Variants in COL8A1 observed in about 807,000 individuals in gnomAD.
COL8A1 encodes the protein collagen alpha-1(VIII) chain.
A neutral mutation model predicts 42.7 loss-of-function variants in COL8A1; 21 were observed. The ratio of observed to expected loss-of-function variants is 0.49; its 90% CI spans 0.35 to 0.71. The LOEUF (loss-of-function observed/expected upper bound fraction) is 0.71, where lower values mean the gene tolerates loss of function less well. Among genes scored for constraint, COL8A1 ranks in the 30% least tolerant of loss-of-function variants. COL8A1 has a pLI of 0.01. For missense variants in COL8A1, 788 were observed against 962.4 expected (o/e 0.82, Z 2.40); for synonymous variants, 367 against 369.1 (o/e 0.99, Z 0.06).
intron 1 of COL8A1, among the ~76,000 whole-genome samples, chr3:99,639,665 A>G (rs992734848): frequency 6.6e-6 from 1 of 152,244 alleles, no homozygotes; most frequent in Non-Finnish European, 1.5e-5. Flanking sequence ...AAGGAAAAAC[A>G]TACTCCACAG....
intron 1 of COL8A1, among the ~76,000 whole-genome samples, chr3:99,687,515 G>T (rs529062126): frequency 6.6e-6 from 1 of 152,298 alleles, no homozygotes; most frequent in African/African-American, 2.4e-5. Context: ...TTGAGAGTGG[G>T]GAGCTATGCC....
chr3:99,734,722 T>C (rs1472151950), intron 1 of COL8A1, among the ~76,000 whole-genome samples: 1 of 151,946 alleles, frequency 6.6e-6, no homozygotes, highest in African/African-American at 2.4e-5. Flanking sequence ...TGGCATTGAA[T>C]CTGTAAATTA....
intron 1 of COL8A1, among the ~76,000 whole-genome samples, chr3:99,669,146 T>TATATATATATATATATAGAGAGAGAGAG: frequency 8.7e-5 from 10 of 115,388 alleles, no homozygotes; most frequent in South Asian, 2.8e-4. Flanking sequence ...TATATATATA[T>TATATATATATATATATAGAGAGAGAGAG]AGAGGGAGAG....
At chr3:99,642,351 AGTCGTGT>A (rs1469554241) in intron 1 of COL8A1, among the ~76,000 whole-genome samples, 6 of 152,204 alleles carry the variant, frequency 3.9e-5, no homozygotes, top group Admixed American at 1.3e-4. Context: ...ACAAGCCTGA[AGTCGTGT>A]GTACTCAAAT....
chr3:99,653,911 A>G (rs1314395627), intron 1 of COL8A1, among the ~76,000 whole-genome samples: 1 of 152,142 alleles, frequency 6.6e-6, no homozygotes, highest in Non-Finnish European at 1.5e-5. Flanking sequence ...ATTAAGGATT[A>G]CTGGCTCACA....
chr3:99,718,602 T>C (rs1279474101), intron 1 of COL8A1, among the ~76,000 whole-genome samples: 2 of 152,030 alleles, frequency 1.3e-5, no homozygotes, highest in Non-Finnish European at 2.9e-5. Flanking sequence ...CCCAAGTGAC[T>C]GATAGTTGTT....
At chr3:99,758,362 T>C (rs1195229591) in intron 2 of COL8A1, among the ~76,000 whole-genome samples, 1 of 152,132 alleles carries the variant, frequency 6.6e-6, no homozygotes, top group Non-Finnish European at 1.5e-5. Context: ...CAGCTCAAGA[T>C]CAATGAAAAA....
At chr3:99,658,764 C>T (rs754690466) in intron 1 of COL8A1, among the ~76,000 whole-genome samples, 25 of 152,180 alleles carry the variant, frequency 1.6e-4, no homozygotes, top group Non-Finnish European at 2.8e-4. Context: ...GAAAACAAGA[C>T]GTCTTTAGCA....
intron 1 of COL8A1, among the ~76,000 whole-genome samples, chr3:99,642,010 T>A (rs1937514613): frequency 6.6e-6 from 1 of 152,130 alleles, no homozygotes; most frequent in Non-Finnish European, 1.5e-5. Context: ...GAATACACAT[T>A]TATTTAAAGA....
intron 3 of COL8A1, 117 bp downstream of exon 3, chr3:99,791,127 T>G: frequency 1.1e-6 from 1 of 895,140 alleles, no homozygotes; most frequent in East Asian, 2.7e-5. Flanking sequence ...TTACTGGCAT[T>G]TTTAAAATGC....
intron 1 of COL8A1, among the ~76,000 whole-genome samples, chr3:99,674,572 G>A (rs532033344): frequency 6.6e-6 from 1 of 151,926 alleles, no homozygotes; most frequent in Non-Finnish European, 1.5e-5. Context: ...TGCAGCTCAG[G>A]CTCTACATTT....
At chr3:99,718,376 G>A (rs1476724110) in intron 1 of COL8A1, among the ~76,000 whole-genome samples, 1 of 152,054 alleles carries the variant, frequency 6.6e-6, no homozygotes, top group Non-Finnish European at 1.5e-5. Flanking sequence ...GGGGGCCAGA[G>A]AGGAGAACAA....
chr3:99,715,087 C>T (rs757357444), intron 1 of COL8A1, among the ~76,000 whole-genome samples: 70 of 152,012 alleles, frequency 4.6e-4, no homozygotes, highest in Non-Finnish European at 9.1e-4. Context: ...TCACATAGGA[C>T]GTCTAGCCTA....
At position 99,798,554 on chromosome 3, in the gene COL8A1, A is replaced by C. The variant is rs1195296531; in HGVS notation, c.*2418A>C. The C allele has an allele frequency of 6.6e-6, 1 of 152,146 alleles. No individual in the cohort carries two copies. Among genetic ancestry groups the C allele is most frequent in the Non-Finnish European group, 1.5e-5 (1 of 68,026 alleles). 9.4% of individuals were successfully genotyped at this position (152,146 alleles called of 1,614,324 possible). On this transcript the variant is annotated 3_prime_UTR_variant, in exon 4 of 4. Transcript: ENST00000652472. ...ATCTTTTTAGTTAAAACCAAATTTC[A>C]CTTTTCAAAATATCTTCCAACTTAT...
chr3:99,735,829 T>G (rs1291929160), intron 1 of COL8A1, among the ~76,000 whole-genome samples: 2 of 152,182 alleles, frequency 1.3e-5, no homozygotes, highest in South Asian at 2.1e-4. Context: ...CAATTTCAGA[T>G]CCTGTTATTG....
In COL8A1 at chr3:99,742,668, C is replaced by T. The variant is rs141776862; in HGVS notation, c.-128-2229C>T. Among the ~76,000 whole-genome samples, 10 of 152,226 alleles carry T rather than the reference C, an allele frequency of 6.6e-5. No homozygotes were observed. The East Asian group carries it at 1.7e-3, about 26-fold the overall frequency. On this transcript the variant is annotated intron_variant, in intron 1 of 3. Coordinates refer to ENST00000652472, the MANE Select transcript of COL8A1 (RefSeq NM_020351.4). Reference sequence around the variant, plus strand: ...GATCCTTAGTCTCAGGGTTGAAAAACGGCAATTTAGGCATCTTCACTGTTT... The same window carrying T: ...GATCCTTAGTCTCAGGGTTGAAAAATGGCAATTTAGGCATCTTCACTGTTT...
intron 1 of COL8A1, among the ~76,000 whole-genome samples, chr3:99,711,459 A>G (rs1345857561): frequency 6.6e-6 from 1 of 151,824 alleles, no homozygotes; most frequent in Admixed American, 6.6e-5. Flanking sequence ...CTTTTTCAAA[A>G]CTCCTGGGAT....
intron 1 of COL8A1, among the ~76,000 whole-genome samples, chr3:99,694,110 T>C (rs4535264): frequency 0.095 from 14,530 of 152,150 alleles, 860 homozygotes; most frequent in Middle Eastern, 0.12. Context: ...CTCTATGATG[T>C]TCACACAGTG....
intron 1 of COL8A1, among the ~76,000 whole-genome samples, chr3:99,682,943 G>A (rs1233873060): frequency 1.3e-5 from 2 of 152,208 alleles, no homozygotes; most frequent in Non-Finnish European, 2.9e-5. Context: ...CTGACATTAA[G>A]TGTGAAATAT....
Sources: gnomAD v4.1 joint callset for allele counts (sites outside exome capture counted in the v4.1 genomes callset) on GRCh38, gnomAD v4.1.1 for gene constraint, MANE v1.5 for transcripts, NCBI Gene and HGNC (gene_info 2026-07-23, HGNC 2026-07-21) for gene names.